MUC17: variants seen among roughly 807,000 people sequenced by gnomAD.
MUC17 encodes the protein mucin-17.
Under a neutral mutation model 170.3 loss-of-function variants are expected in MUC17, and 190 were observed. The ratio of observed to expected loss-of-function variants is 1.12; its 90% CI spans 0.99 to 1.26. The LOEUF (loss-of-function observed/expected upper bound fraction) is 1.26, where lower values mean the gene tolerates loss of function less well. Among genes scored for constraint, MUC17 ranks in the 50% most tolerant of loss-of-function variants. The pLI is 0.00. For missense variants in MUC17, 6,415 were observed against 5,530.0 expected (o/e 1.16, Z -5.08); for synonymous variants, 2,325 against 2,002.5 (o/e 1.16, Z -4.30).
At position 101,043,022 on chromosome 7, in the gene MUC17, C is replaced by A. The variant is rs542570820; in HGVS notation, c.11606C>A (p.Thr3869Asn). ...AEVTTIRISI[T>N]SERSTPLTTL... ...GTCACTACCATACGTATTTCAATTA[C>A]CAGTGAAAGAAGCACTCCATTAACA... Residue 3869 changes from threonine to asparagine, a missense_variant, in exon 3 of 13, where the codon ACC becomes AAC. Thr to Asn is a moderately conservative substitution (Grantham distance 65, BLOSUM62 0). Transcript: ENST00000306151. 2 of 1,614,032 alleles carry A rather than the reference C, an allele frequency of 1.2e-6. No individual in the cohort carries two copies. The highest frequency in any genetic ancestry group is 2.7e-5 in the African/African-American group (2 of 74,912).
In MUC17 at chr7:101,035,121, G is replaced by GGCTA; in HGVS notation, c.3708_3711dup (p.Thr1238Ter). On this transcript the variant is annotated frameshift_variant, in exon 3 of 13. Coordinates refer to ENST00000306151, the MANE Select transcript of MUC17 (RefSeq NM_001040105.2). LOFTEE classifies it high-confidence loss of function. The stretch of plus-strand genomic sequence containing the variant: ...GACACACGCCAGTGGCCAGTTCTGA[G>GGCTA]GCTAGCACCCTTTCAACATCTCCCG... The GGCTA allele has an allele frequency of 6.2e-7, 1 of 1,610,346 alleles. No individual in the cohort carries two copies. The highest frequency in any genetic ancestry group is 8.5e-7 in the Non-Finnish European group (1 of 1,178,438).
Position 101,034,587 on chromosome 7 carries a change from T to G in MUC17, c.3171T>G (p.Ser1057=), listed in dbSNP as rs756744349. 1.2e-6 allele frequency: 2 copies of G among 1,607,590 alleles called. No homozygotes were observed. The highest frequency in any genetic ancestry group is 3.3e-5 in the Admixed American group (2 of 59,788). ...TCAGCACCACAATGGTGGCCAGTTC[T>G]GAAACGAGCACACTTTCAACAACTC... ...MPVSTTMVAS[S]ETSTLSTTPA... is the part of the protein sequence containing the mutation. Residue 1057 remains serine (S), a synonymous_variant, in exon 3 of 13, where the codon TCT becomes TCG. Transcript: ENST00000306151.
Position 101,038,183 on chromosome 7 carries a change from A to C in MUC17, c.6767A>C (p.Glu2256Ala), listed in dbSNP as rs1038055341. ...AGCACACCTGTGACCACTTCTACTG[A>C]AGCCACTTCATCTCCTACAACTGCT... ...DTSTPVTTST[E>A]ATSSPTTAEG... Residue 2256 changes from glutamate (E) to alanine (A), a missense_variant, in exon 3 of 13, where the codon GAA becomes GCA. By Grantham distance (107) the Glu-to-Ala change is moderately radical. Coordinates refer to ENST00000306151, the MANE Select transcript of MUC17 (RefSeq NM_001040105.2). The C allele has an allele frequency of 6.2e-7, 1 of 1,614,058 alleles. No individual in the cohort carries two copies. Among genetic ancestry groups the C allele is most frequent in the Non-Finnish European group, 8.5e-7 (1 of 1,180,004 alleles).
In MUC17 at chr7:101,038,337, C is replaced by T. The variant is rs766760571; in HGVS notation, c.6921C>T (p.Asn2307=). 6.2e-7 allele frequency: 1 copy of T among 1,613,690 alleles called. No individual in the cohort carries two copies. The highest frequency in any genetic ancestry group is 8.5e-7 in the Non-Finnish European group (1 of 1,179,810). ...STLSTTPVDS[N]TPFTTSTEAS... is the part of the protein sequence containing the mutation. Reference sequence around the variant, plus strand: ...TTTCAACAACTCCTGTTGACTCCAACACTCCTTTCACTACTTCTACTGAAG... The same window carrying T: ...TTTCAACAACTCCTGTTGACTCCAATACTCCTTTCACTACTTCTACTGAAG... The change falls in exon 3 of 13, where the codon AAC becomes AAT. Residue 2307 remains asparagine (N), a synonymous_variant. Coordinates refer to ENST00000306151, the MANE Select transcript of MUC17 (RefSeq NM_001040105.2).
At chr7:101,055,617 A>T (rs575942940) in intron 11 of MUC17, among the ~76,000 whole-genome samples, 2 of 152,318 alleles carry the variant, frequency 1.3e-5, no homozygotes, top group Admixed American at 6.5e-5. Flanking sequence ...AATTGACAAA[A>T]GTCAGTGAGG....
In MUC17 at chr7:101,051,802, G is replaced by A; in HGVS notation, c.12944-1G>A. On this transcript the variant is annotated splice_acceptor_variant, in intron 8 of 12. Transcript: ENST00000306151. LOFTEE classifies it high-confidence loss of function. ...TTCCCTGTCCCTGCACCCCCCACCA[G>A]AGGACTGCCGGAAGATGGCCAAGGA... 1 of 1,613,102 alleles carries A rather than the reference G, an allele frequency of 6.2e-7. No homozygotes were observed. Among genetic ancestry groups the A allele is most frequent in the Non-Finnish European group, 8.5e-7 (1 of 1,179,204 alleles).
chr7:101,050,256 C>T (rs1794913067), intron 6 of MUC17, among the ~76,000 whole-genome samples: 1 of 152,166 alleles, frequency 6.6e-6, no homozygotes, highest in Non-Finnish European at 1.5e-5. Context: ...CTCTTAGGCA[C>T]AGGCTGCTGG....
At position 101,037,170 on chromosome 7, in the gene MUC17, C is replaced by G; in HGVS notation, c.5754C>G (p.Thr1918=). Residue 1918 remains threonine (T), a synonymous_variant, in exon 3 of 13, where the codon ACC becomes ACG. Coordinates refer to ENST00000306151, the MANE Select transcript of MUC17 (RefSeq NM_001040105.2). Reference sequence around the variant, plus strand: ...CTGCTGACGGTAGCAGCATGCCAACCTCAACTCCTAGGGAAGGAAGGCCTC... The same window carrying G: ...CTGCTGACGGTAGCAGCATGCCAACGTCAACTCCTAGGGAAGGAAGGCCTC... ...PTTADGSSMP[T]STPREGRPPL... 1.2e-5 allele frequency: 19 copies of G among 1,612,794 alleles called. No individual in the cohort carries two copies. Among genetic ancestry groups the G allele is most frequent in the Non-Finnish European group, 1.6e-5 (19 of 1,179,758 alleles).
Position 101,037,101 on chromosome 7 carries a change from C to A in MUC17, c.5685C>A (p.Ser1895Arg), listed in dbSNP as rs199566480. The A allele has an allele frequency of 5.7e-6, 9 of 1,566,654 alleles. No individual in the cohort carries two copies. In the Admixed American group the frequency reaches 1.0e-4, roughly 18 times the overall value. ...TTTCAACAACTCCCGCTGTCACCAG[C>A]ACACCTGTGACCACTTATGCTCAAG... ...NTLSTTPAVT[S>R]TPVTTYAQVS... Residue 1895 changes from serine (S) to arginine (R), a missense_variant, in exon 3 of 13, where the codon AGC becomes AGA. Transcript: ENST00000306151.
chr7:101,050,920 G>C (rs139205406), intron 7 of MUC17, among the ~76,000 whole-genome samples: 1 of 152,200 alleles, frequency 6.6e-6, no homozygotes, highest in Non-Finnish European at 1.5e-5. Context: ...ATTCGTCCCG[G>C]AACCTGCAAG....
chr7:101,055,255 T>A (rs182873506), intron 11 of MUC17, among the ~76,000 whole-genome samples: 238 of 151,850 alleles, frequency 1.6e-3, no homozygotes, highest in African/African-American at 5.3e-3. Context: ...AAGGATTTTT[T>A]TAAAAAAAAA....
In MUC17 at chr7:101,040,361, C is replaced by T; in HGVS notation, c.8945C>T (p.Pro2982Leu). The change falls in exon 3 of 13, where the codon CCT (proline) becomes CTT (leucine). Residue 2982 changes from proline to leucine, a missense_variant. Coordinates refer to ENST00000306151, the MANE Select transcript of MUC17 (RefSeq NM_001040105.2). ...AEGTSMPIST[P>L]GERRTPLTSM... The stretch of plus-strand genomic sequence containing the variant: ...GGTACCAGCATGCCAATCTCAACTC[C>T]TGGCGAAAGAAGAACTCCATTAACA... 1 of 1,610,792 alleles carries T rather than the reference C, an allele frequency of 6.2e-7. No individual in the cohort carries two copies. Among genetic ancestry groups the T allele is most frequent in the Non-Finnish European group, 8.5e-7 (1 of 1,179,024 alleles).
At chr7:101,030,364 A>C (rs1358152828) in intron 1 of MUC17, among the ~76,000 whole-genome samples, 1 of 151,970 alleles carries the variant, frequency 6.6e-6, no homozygotes, top group Non-Finnish European at 1.5e-5. Flanking sequence ...TTGGGACTAC[A>C]GGTGCACATG....
Position 101,048,932 on chromosome 7 carries a change from C to G in MUC17, c.12623C>G (p.Ser4208Cys), listed in dbSNP as rs752062095. ...KFTEELKNHSSQEFQEFKQTF... is the reference protein window; with the variant it reads ...KFTEELKNHSCQEFQEFKQTF... ...ACCGAAGAGCTAAAAAACCACTCTT[C>G]CCAGGAATTCCAGGAGTTCAAACAG... is the stretch of plus-strand genomic sequence containing the variant. Residue 4208 changes from serine (S) to cysteine (C), a missense_variant, in exon 5 of 13, where the codon TCC (serine) becomes TGC (cysteine). By Grantham distance (112) the Ser-to-Cys change is moderately radical. Transcript: ENST00000306151. The G allele has an allele frequency of 3.1e-6, 5 of 1,613,894 alleles. No individual in the cohort carries two copies. Among genetic ancestry groups the G allele is most frequent in the Non-Finnish European group, 4.2e-6 (5 of 1,179,930 alleles).
chr7:101,029,842 G>A (rs1352269530), intron 1 of MUC17, among the ~76,000 whole-genome samples: 1 of 151,850 alleles, frequency 6.6e-6, no homozygotes, highest in East Asian at 1.9e-4. Context: ...CAGGTAATAC[G>A]CCTGGCTCGG....
chr7:101,051,713 G>T, intron 8 of MUC17, 32 bp downstream of exon 8: 2 of 1,608,526 alleles, frequency 1.2e-6, no homozygotes, highest in Non-Finnish European at 1.7e-6. Context: ...TTGGGGGAAG[G>T]CTGGAGAGGT....
rs1794354937 is a variant in MUC17, at chr7:101,033,412, G to A, written c.1996G>A (p.Ala666Thr). ...SNTPVTTSTE[A>T]TSSSTTAEGT... ...CACTCCTGTGACCACTTCAACTGAA[G>A]CCACTTCATCTTCTACAACTGCGGA... Residue 666 changes from alanine (A) to threonine (T), a missense_variant, in exon 3 of 13, where the codon GCC becomes ACC. Coordinates refer to ENST00000306151, the MANE Select transcript of MUC17 (RefSeq NM_001040105.2). The A allele has an allele frequency of 1.2e-6, 2 of 1,613,306 alleles. No individual in the cohort carries two copies. The highest frequency in any genetic ancestry group is 1.7e-6 in the Non-Finnish European group (2 of 1,179,676).
rs183323874 is a variant in MUC17, at chr7:101,035,281, C to T, written c.3865C>T (p.Leu1289=). ...AACAAGTATACCTGTCAGCACCACG[C>T]TGGTGACCAGTCCTGAGGCTAGCAC... ...LLTSIPVSTT[L]VTSPEASTLL... Residue 1289 remains leucine (L), a synonymous_variant, in exon 3 of 13, where the codon CTG becomes TTG. Coordinates refer to ENST00000306151, the MANE Select transcript of MUC17 (RefSeq NM_001040105.2). 1.3e-4 allele frequency: 203 copies of T among 1,609,534 alleles called. No individual in the cohort carries two copies. The highest frequency in any genetic ancestry group is 7.0e-4 in the Admixed American group (42 of 59,874).
chr7:101,055,855 G>T (rs1022352757), intron 11 of MUC17, among the ~76,000 whole-genome samples: 2 of 151,786 alleles, frequency 1.3e-5, no homozygotes, highest in Admixed American at 6.6e-5. Context: ...AAATAGTTTT[G>T]GAAAACAAAA....
Sources: allele counts gnomAD v4.1 joint callset (sites outside exome capture counted in the v4.1 genomes callset), GRCh38; gene constraint gnomAD v4.1.1; transcripts MANE v1.5; gene names NCBI Gene and HGNC (gene_info 2026-07-23, HGNC 2026-07-21).